MED13L: variants seen among roughly 807,000 people sequenced by gnomAD.
The protein encoded by MED13L is mediator of RNA polymerase II transcription subunit 13-like.
A neutral mutation model predicts 220.9 loss-of-function variants in MED13L; 7 were observed. The ratio of observed to expected loss-of-function variants is 0.03; its 90% CI spans 0.02 to 0.06. The LOEUF (loss-of-function observed/expected upper bound fraction) is 0.06, where lower values mean the gene tolerates loss of function less well. MED13L is among the 10% of genes least tolerant of loss of function. The pLI is 1.00. For missense variants in MED13L, 1,965 were observed against 2,760.5 expected (o/e 0.71, Z 6.46); for synonymous variants, 1,011 against 1,015.2 (o/e 1.00, Z 0.08).
chr12:116,166,230 T>C (rs1288385756), intron 2 of MED13L, among the ~76,000 whole-genome samples: 3 of 151,896 alleles, frequency 2.0e-5, no homozygotes, highest in African/African-American at 7.3e-5. Context: ...CTTGATTGGA[T>C]AGAGGGACAC....
At chr12:115,984,896 G>A (rs1293995287) in intron 19 of MED13L, among the ~76,000 whole-genome samples, 5 of 151,836 alleles carry the variant, frequency 3.3e-5, no homozygotes, top group Admixed American at 3.3e-4. Context: ...AATAGGACAA[G>A]GAGATTCTGC....
Position 116,227,353 on chromosome 12 carries a change from C to T in MED13L, c.310+10115G>A, listed in dbSNP as rs372486852. 2.6e-5 allele frequency among the ~76,000 whole-genome samples: 4 copies of T among 152,122 alleles called. No individual in the cohort carries two copies. In the East Asian group the frequency reaches 5.8e-4, roughly 22 times the overall value. Reference sequence around the variant, plus strand: ...CTACCTCAATAAGATATAGGAATATCTCATTTTATTGCATTTCACATTGTT... The same window carrying T: ...CTACCTCAATAAGATATAGGAATATTTCATTTTATTGCATTTCACATTGTT... On this transcript the variant is annotated intron_variant, in intron 2 of 30. Coordinates refer to ENST00000281928, the MANE Select transcript of MED13L (RefSeq NM_015335.5).
chr12:116,206,340 A>G (rs1355976541), intron 2 of MED13L, among the ~76,000 whole-genome samples: 2 of 152,000 alleles, frequency 1.3e-5, no homozygotes, highest in Non-Finnish European at 2.9e-5. Flanking sequence ...GTATTATTAT[A>G]TTTCAGAAGC....
intron 2 of MED13L, among the ~76,000 whole-genome samples, chr12:116,176,418 A>T (rs2138202337): frequency 6.6e-6 from 1 of 152,240 alleles, no homozygotes; most frequent in South Asian, 2.1e-4. Flanking sequence ...CATCATCATC[A>T]TCAAAAAAGA....
chr12:116,096,199 C>A (rs1427436763), intron 4 of MED13L, among the ~76,000 whole-genome samples: 1 of 150,664 alleles, frequency 6.6e-6, no homozygotes, highest in Non-Finnish European at 1.5e-5. Context: ...ACCAAAAATA[C>A]AAAAAATTAG....
rs780866843 is a variant in MED13L at position 116,105,804 on chromosome 12, T to C, written c.395+5624A>G. On this transcript the variant is annotated intron_variant, in intron 3 of 30. Transcript: ENST00000281928. ...TATAAATAAATGCTATCCCTTCCTG[T>C]CCCACTGATATCAAGCTTGGCCATG... Among the ~76,000 whole-genome samples the C allele has an allele frequency of 5.9e-5, 9 of 152,322 alleles. 1 individual carries two copies. The highest frequency in any genetic ancestry group is 8.8e-5 in the Non-Finnish European group (6 of 68,030).
At chr12:116,128,641 C>T (rs543999351) in intron 2 of MED13L, among the ~76,000 whole-genome samples, 1 of 152,236 alleles carries the variant, frequency 6.6e-6, no homozygotes, top group Admixed American at 6.5e-5. Context: ...ATAATTCATT[C>T]TACTTATCAA....
At chr12:116,035,622 G>A (rs1039676181) in intron 4 of MED13L, among the ~76,000 whole-genome samples, 1 of 151,798 alleles carries the variant, frequency 6.6e-6, no homozygotes, top group Non-Finnish European at 1.5e-5. Flanking sequence ...ACAGGGTCTC[G>A]TTCTGTCACT....
In MED13L at chr12:115,984,188, T is replaced by C. The variant is rs763355932; in HGVS notation, c.4523A>G (p.His1508Arg). Residue 1508 changes from histidine (H) to arginine (R), a missense_variant, in exon 20 of 31, where the codon CAT (histidine) becomes CGT (arginine). This residue lies in a region of MED13L where 510 missense variants were observed against 620.4 expected (regional missense o/e 0.82). Coordinates refer to ENST00000281928, the MANE Select transcript of MED13L (RefSeq NM_015335.5). Reference sequence around the variant, plus strand: ...AATAAATTCCCATTTACCTAGGTGATGGCGGCAAACTTGCGCATAAAGTTT... The same window carrying C: ...AATAAATTCCCATTTACCTAGGTGACGGCGGCAAACTTGCGCATAAAGTTT... ...RLKLYAQVCRHHLAPYLATLQ... is the reference protein window; with the variant it reads ...RLKLYAQVCRRHLAPYLATLQ... 2 of 1,613,842 alleles carry C rather than the reference T, an allele frequency of 1.2e-6. No individual in the cohort carries two copies. The highest frequency in any genetic ancestry group is 1.7e-5 in the Admixed American group (1 of 59,990).
intron 2 of MED13L, among the ~76,000 whole-genome samples, chr12:116,197,844 T>G (rs1253010072): frequency 1.3e-5 from 2 of 151,954 alleles, no homozygotes; most frequent in African/African-American, 4.8e-5. Context: ...AGAAAGCAAC[T>G]CTTTATGATT....
chr12:115,976,317 G>C (rs774794667), intron 23 of MED13L, among the ~76,000 whole-genome samples: 2 of 152,070 alleles, frequency 1.3e-5, no homozygotes, highest in Non-Finnish European at 2.9e-5. Flanking sequence ...AACAGAATCA[G>C]AATATTAAAC....
At chr12:116,039,304 A>G (rs1338182934) in intron 4 of MED13L, among the ~76,000 whole-genome samples, 1 of 152,214 alleles carries the variant, frequency 6.6e-6, no homozygotes. Context: ...TTTCATACTC[A>G]GCACTGTTGC....
At chr12:116,115,970 G>A (rs555534482) in intron 2 of MED13L, among the ~76,000 whole-genome samples, 1 of 152,308 alleles carries the variant, frequency 6.6e-6, no homozygotes, top group South Asian at 2.1e-4. Flanking sequence ...ATTTTGTAAA[G>A]TTAAACATAC....
intron 23 of MED13L, among the ~76,000 whole-genome samples, chr12:115,977,290 T>A (rs892770375): frequency 2.0e-5 from 3 of 152,174 alleles, no homozygotes; most frequent in Admixed American, 6.5e-5. Context: ...ATGACACAAT[T>A]TTAAAGCTAA....
intron 21 of MED13L, 118 bp downstream of exon 21, chr12:115,982,999 G>GAA: frequency 8.7e-7 from 1 of 1,150,452 alleles, no homozygotes; most frequent in Non-Finnish European, 1.3e-6. Flanking sequence ...TTTGAGAAGA[G>GAA]AAATAGAGCA....
intron 2 of MED13L, among the ~76,000 whole-genome samples, chr12:116,235,989 T>G (rs1870045064): frequency 6.6e-6 from 1 of 152,132 alleles, no homozygotes; most frequent in East Asian, 1.9e-4. Flanking sequence ...GCTTTATACC[T>G]CTCTACTACA....
chr12:116,145,999 C>G (rs1877472928), intron 2 of MED13L, among the ~76,000 whole-genome samples: 1 of 152,212 alleles, frequency 6.6e-6, no homozygotes, highest in African/African-American at 2.4e-5. Context: ...AGCAAACAGA[C>G]TTTAAATCAA....
intron 8 of MED13L, 95 bp from the exon 9 acceptor site, chr12:116,012,996 G>T: frequency 1.2e-6 from 1 of 863,318 alleles, no homozygotes; most frequent in Non-Finnish European, 1.9e-6. Context: ...CATTCACATA[G>T]TAATGGTATC....
intron 1 of MED13L, among the ~76,000 whole-genome samples, chr12:116,260,540 T>C (rs1359118275): frequency 2.0e-5 from 3 of 152,254 alleles, no homozygotes; most frequent in South Asian, 2.1e-4. Context: ...GCATAACAAT[T>C]ACGCTCTCAA....
Sources: gnomAD v4.1 joint callset for allele counts (sites outside exome capture counted in the v4.1 genomes callset) on GRCh38, gnomAD v4.1.1 for gene constraint, gnomAD v4.1.1 regional missense constraint, MANE v1.5 for transcripts, NCBI Gene and HGNC (gene_info 2026-07-23, HGNC 2026-07-21) for gene names.